The following PRLR variants were observed in gnomAD, a reference collection of about 807,000 sequenced individuals.
PRLR encodes the protein hPRL receptor.
In PRLR, 13 loss-of-function variants were observed where a neutral mutation model predicts 40.2. The ratio of observed to expected loss-of-function variants is 0.32; its 90% confidence interval spans 0.21 to 0.51. The LOEUF (loss-of-function observed/expected upper bound fraction) is 0.51. Ranked by LOEUF, PRLR falls within the 20% of genes least tolerant of loss-of-function variation. The probability of loss-of-function intolerance (pLI) is 0.97; values close to 1 mark genes in which losing one functional copy is unlikely to be tolerated. For synonymous variants in PRLR, 269 were observed against 278.7 expected (o/e 0.97, Z 0.35); for missense variants, 656 against 747.3 (o/e 0.88, Z 1.42).
chr5:35,104,884 C>T (rs1010105465), intron 2 of PRLR, among the ~76,000 whole-genome samples: 1 of 152,284 alleles, frequency 6.6e-6, no homozygotes, highest in South Asian at 2.1e-4. Flanking sequence ...GTTCTCCCAC[C>T]GCGGAATTTG....
chr5:35,083,995 A>G (rs1447623486), intron 5 of PRLR, among the ~76,000 whole-genome samples: 1 of 152,184 alleles, frequency 6.6e-6, no homozygotes, highest in African/African-American at 2.4e-5. Context: ...TATGCAACAT[A>G]TATATGTACA....
chr5:35,102,502 T>C (rs761870979), intron 2 of PRLR, among the ~76,000 whole-genome samples: 1 of 103,144 alleles, frequency 9.7e-6, no homozygotes, highest in Non-Finnish European at 2.0e-5. Context: ...TCTCCACTCC[T>C]CTCCTCTCCT....
At chr5:35,204,214 CAA>C (rs536343549) in intron 1 of PRLR, among the ~76,000 whole-genome samples, 1 of 114,100 alleles carries the variant, frequency 8.8e-6, no homozygotes, top group Non-Finnish European at 1.8e-5. Flanking sequence ...ATTTCTGTCT[CAA>C]AAAAAAAAAT....
intron 8 of PRLR, among the ~76,000 whole-genome samples, chr5:35,049,879 A>G (rs1768426808): frequency 1.3e-5 from 2 of 151,414 alleles, no homozygotes; most frequent in South Asian, 2.1e-4. Flanking sequence ...ATTCAACTAA[A>G]CTAACATTGC....
intron 1 of PRLR, among the ~76,000 whole-genome samples, chr5:35,182,416 AG>A (rs1236354737): frequency 6.6e-6 from 1 of 152,234 alleles, no homozygotes; most frequent in Non-Finnish European, 1.5e-5. Context: ...GGAACAACAG[AG>A]AAAGAAGCAA....
intron 1 of PRLR, among the ~76,000 whole-genome samples, chr5:35,220,902 C>T (rs999349908): frequency 7.2e-5 from 11 of 152,172 alleles, no homozygotes; most frequent in Admixed American, 2.6e-4. Context: ...ATACAACCTT[C>T]TGAGGATCGG....
chr5:35,175,040 G>C (rs1358961761), intron 1 of PRLR, among the ~76,000 whole-genome samples: 1 of 152,184 alleles, frequency 6.6e-6, no homozygotes, highest in East Asian at 1.9e-4. Flanking sequence ...TTAGGTATCA[G>C]TTGTCTTGTA....
At chr5:35,217,004 C>T (rs1309292189) in intron 1 of PRLR, among the ~76,000 whole-genome samples, 1 of 152,150 alleles carries the variant, frequency 6.6e-6, no homozygotes, top group East Asian at 1.9e-4. Context: ...TAGAATTCCC[C>T]TTTAGGTGAC....
rs57649490 is a variant in PRLR, at chr5:35,049,903, C to CTTTTTTT, written c.1010-502_1010-496dup. Among the ~76,000 whole-genome samples the CTTTTTTT allele has an allele frequency of 1.6e-5, 2 of 123,546 alleles. 1 individual carries two copies. Among genetic ancestry groups the CTTTTTTT allele is most frequent in the African/African-American group, 6.2e-5 (2 of 32,012 alleles). The allele number at this position is 123,546 out of a possible 152,430, so 81.1% of individuals were successfully genotyped here. On this transcript the variant is annotated intron_variant, in intron 8 of 8. Transcript: ENST00000231423. ...AACTAACATTGCACGAAACTACATT[C>CTTTTTTT]TTTTTTTTTTTTTTTTTTTTTGAGA... is the stretch of plus-strand genomic sequence containing the variant.
intron 1 of PRLR, among the ~76,000 whole-genome samples, chr5:35,208,203 A>T (rs1776075245): frequency 6.7e-6 from 1 of 150,328 alleles, no homozygotes; most frequent in South Asian, 2.1e-4. Flanking sequence ...ACACACACAC[A>T]CTCCATGTTC....
At chr5:35,202,259 G>GA (rs1481064951) in intron 1 of PRLR, among the ~76,000 whole-genome samples, 1 of 152,176 alleles carries the variant, frequency 6.6e-6, no homozygotes, top group Admixed American at 6.5e-5. Flanking sequence ...ATCTAGCAGA[G>GA]AAAAAACATG....
downstream of PRLR, among the ~76,000 whole-genome samples, chr5:35,052,529 C>T (rs1328200646): frequency 6.6e-6 from 1 of 152,196 alleles, no homozygotes; most frequent in Non-Finnish European, 1.5e-5. Context: ...GTCCCTCATT[C>T]TCTCCAGAGC....
intron 1 of PRLR, among the ~76,000 whole-genome samples, chr5:35,227,105 G>C (rs560125317): frequency 2.0e-5 from 3 of 152,264 alleles, no homozygotes; most frequent in Non-Finnish European, 4.4e-5. Flanking sequence ...CCAATCTTGA[G>C]TCTAATGGCT....
intron 2 of PRLR, among the ~76,000 whole-genome samples, chr5:35,109,502 A>G (rs1478828329): frequency 6.6e-6 from 1 of 152,170 alleles, no homozygotes; most frequent in African/African-American, 2.4e-5. Flanking sequence ...ATCTACAAAG[A>G]ACTTACAAAT....
intron 1 of PRLR, among the ~76,000 whole-genome samples, chr5:35,159,848 G>T (rs1053884030): frequency 6.6e-6 from 1 of 152,136 alleles, no homozygotes; most frequent in Non-Finnish European, 1.5e-5. Flanking sequence ...GGCTGGGTCC[G>T]CATTTGTCAG....
intron 1 of PRLR, chr5:35,135,444 C>T (rs1773826036): frequency 6.6e-6 from 1 of 152,524 alleles, no homozygotes; most frequent in Admixed American, 6.5e-5. Flanking sequence ...AGCTGCCTCA[C>T]CTTTGCTGAG....
At chr5:35,113,939 A>G (rs530110875) in intron 2 of PRLR, among the ~76,000 whole-genome samples, 179 of 152,294 alleles carry the variant, frequency 1.2e-3, no homozygotes, top group Non-Finnish European at 2.3e-3. Flanking sequence ...TTTGTTAGGT[A>G]TCTAGTTTTG....
At chr5:35,053,793 C>A (rs967833110), downstream of PRLR, among the ~76,000 whole-genome samples, 1 of 152,008 alleles carries the variant, frequency 6.6e-6, no homozygotes. Flanking sequence ...TTAGGAGACC[C>A]GATAGGCTCA....
intron 1 of PRLR, among the ~76,000 whole-genome samples, chr5:35,149,803 C>T (rs10078077): frequency 0.79 from 119,684 of 152,088 alleles, 49,970 homozygotes; most frequent in Non-Finnish European, 0.92. Context: ...ATAAATTAAT[C>T]GAGAGTAAGA....
Sources: allele counts gnomAD v4.1 joint callset (sites outside exome capture counted in the v4.1 genomes callset), GRCh38; gene constraint gnomAD v4.1.1; transcripts MANE v1.5; gene names NCBI Gene and HGNC (gene_info 2026-07-23, HGNC 2026-07-21).